The following KLHL14 variants were observed in gnomAD, a reference collection of about 807,000 sequenced individuals.
KLHL14 encodes kelch like family member 14, also known as kelch-like protein 14.
In KLHL14, 22 loss-of-function variants were observed where a neutral mutation model predicts 64.3. The ratio of observed to expected loss-of-function variants is 0.34; its 90% CI spans 0.24 to 0.49. The LOEUF (loss-of-function observed/expected upper bound fraction) is 0.49. Ranked by LOEUF, KLHL14 falls within the 20% of genes least tolerant of loss-of-function variation. The pLI, the probability that KLHL14 is intolerant of heterozygous loss-of-function variation, is 0.99. For missense variants in KLHL14, 661 were observed against 789.0 expected (o/e 0.84, Z 1.94); for synonymous variants, 322 against 333.4 (o/e 0.97, Z 0.37).
chr18:32,752,895 GC>G (rs905444338), intron 2 of KLHL14, among the ~76,000 whole-genome samples: 1 of 146,624 alleles, frequency 6.8e-6, no homozygotes, highest in African/African-American at 2.5e-5. Flanking sequence ...ACTTTTATAA[GC>G]TATCAGAACT....
chr18:32,684,145 T>G (rs1046357758), intron 5 of KLHL14, among the ~76,000 whole-genome samples: 8 of 152,196 alleles, frequency 5.3e-5, no homozygotes, highest in Admixed American at 4.6e-4. Context: ...TGTTCCAAGT[T>G]TTTAATTTTT....
chr18:32,719,370 G>A (rs1289606211), intron 3 of KLHL14, among the ~76,000 whole-genome samples: 2 of 152,230 alleles, frequency 1.3e-5, no homozygotes, highest in Non-Finnish European at 2.9e-5. Context: ...TGAACTTGAA[G>A]TATACTGTGT....
Position 32,741,970 on chromosome 18 carries a change from G to T in KLHL14, c.1027C>A (p.Gln343Lys). 1 of 1,612,532 alleles carries T rather than the reference G, an allele frequency of 6.2e-7. No individual in the cohort carries two copies. The highest frequency in any genetic ancestry group is 8.5e-7 in the Non-Finnish European group (1 of 1,179,678). The change falls in exon 3 of 9, where the codon CAG (glutamine) becomes AAG (lysine). Residue 343 changes from glutamine to lysine, a missense_variant. Coordinates refer to ENST00000359358, the MANE Select transcript of KLHL14 (RefSeq NM_020805.3). ...GPDRLPSNLV[Q>K]YYDDEKKTWK... is the part of the protein sequence containing the mutation. ...GTCTTCTTTTCATCGTCGTAATACTGAACCAAATTGCTGGGGAGCCGGTCC... is the reference window on the plus strand; with the variant it reads ...GTCTTCTTTTCATCGTCGTAATACTTAACCAAATTGCTGGGGAGCCGGTCC...
intron 2 of KLHL14, among the ~76,000 whole-genome samples, chr18:32,764,515 TGCCTA>T (rs10577009): frequency 0.68 from 103,572 of 151,500 alleles, 37,405 homozygotes; most frequent in Non-Finnish European, 0.81. Flanking sequence ...ATATCCCAAG[TGCCTA>T]GCCTAGTACA....
At chr18:32,761,260 T>C (rs1423597377) in intron 2 of KLHL14, among the ~76,000 whole-genome samples, 1 of 152,196 alleles carries the variant, frequency 6.6e-6, no homozygotes, top group African/African-American at 2.4e-5. Context: ...TTACTTCTTT[T>C]TTCAGTTCAA....
rs1050232034 is a variant in KLHL14, at chr18:32,680,710, A to G, written c.1239-111T>C. 4.6e-5 allele frequency: 48 copies of G among 1,051,068 alleles called. 1 individual carries two copies. In the Middle Eastern group the frequency reaches 2.7e-3, roughly 60 times the overall value. 65.1% of individuals were successfully genotyped at this position (1,051,068 alleles called of 1,614,324 possible). ...CAGGGAAAGGGGTGCATTCTGCTTCAGAAAGGGTTGCAAATCTTTAAAAAT... is the reference window on the plus strand; with the variant it reads ...CAGGGAAAGGGGTGCATTCTGCTTCGGAAAGGGTTGCAAATCTTTAAAAAT... On this transcript the variant is annotated intron_variant, in intron 5 of 8. Transcript: ENST00000359358. This position sits in a 1 kb window ranked among gnomAD's most constrained non-coding sequence, Gnocchi z 4.8.
Position 32,734,124 on chromosome 18 carries a change from T to C in KLHL14, c.1069+7804A>G. ...GCAGAAGAATACACTGAATATTTGATGTCTAGTAGTATAATTATGATAGTC... is the reference window on the plus strand; with the variant it reads ...GCAGAAGAATACACTGAATATTTGACGTCTAGTAGTATAATTATGATAGTC... On this transcript the variant is annotated intron_variant, in intron 3 of 8. Transcript: ENST00000359358. 5.7e-6 allele frequency: 4 copies of C among 702,498 alleles called. No homozygotes were observed. The South Asian group carries it at 5.9e-5, about 10-fold the overall frequency. The allele number at this position is 702,498 out of a possible 1,614,324, so 43.5% of individuals were successfully genotyped here. A position where few individuals can be genotyped will look rare whatever the true frequency, so the allele number is the denominator to read the frequency against.
chr18:32,695,183 T>C (rs2049930723), intron 4 of KLHL14, among the ~76,000 whole-genome samples: 1 of 152,166 alleles, frequency 6.6e-6, no homozygotes, highest in Non-Finnish European at 1.5e-5. Flanking sequence ...GTGCTCATGC[T>C]TGTGGCATTC....
At chr18:32,735,874 G>T (rs1032737643) in intron 3 of KLHL14, among the ~76,000 whole-genome samples, 1 of 152,120 alleles carries the variant, frequency 6.6e-6, no homozygotes, top group African/African-American at 2.4e-5. Flanking sequence ...TTAAATGAAT[G>T]AAATGAGTGT....
chr18:32,723,689 A>G (rs1047783389), intron 3 of KLHL14, among the ~76,000 whole-genome samples: 2 of 152,196 alleles, frequency 1.3e-5, no homozygotes, highest in African/African-American at 4.8e-5. Flanking sequence ...ACCAAGGTCA[A>G]GGATGTGTCC....
chr18:32,724,220 A>G (rs575294213), intron 3 of KLHL14, among the ~76,000 whole-genome samples: 1 of 152,268 alleles, frequency 6.6e-6, no homozygotes, highest in African/African-American at 2.4e-5. Flanking sequence ...AACCGTTCTG[A>G]TCTTAAGTTT....
intron 7 of KLHL14, among the ~76,000 whole-genome samples, chr18:32,679,672 A>G (rs915395532): frequency 2.1e-4 from 32 of 152,186 alleles, no homozygotes; most frequent in African/African-American, 7.5e-4. Flanking sequence ...TTTGATAATC[A>G]TAAGTGGCTT....
chr18:32,742,105 G>A, intron 2 of KLHL14, 56 bp from the exon 3 acceptor site: 1 of 1,549,422 alleles, frequency 6.5e-7, no homozygotes, highest in African/African-American at 1.4e-5. Context: ...AGTCTTTTTA[G>A]TGGCAACGAA....
intron 2 of KLHL14, chr18:32,744,477 CAAA>C (rs3042636): frequency 0.3 from 40,413 of 135,062 alleles, 5,770 homozygotes; most frequent in Non-Finnish European, 0.32. Context: ...AACTCCATGT[CAAA>C]AAAAAAAAAA....
In KLHL14 at chr18:32,769,722, G is replaced by A. The variant is rs746792576; in HGVS notation, c.870C>T (p.Cys290=). ...TCATGGCGTCCAGCAGCAGCTTCTG[G>A]CAGACCGGGTCGGTTCGCATGAAAT... ...SVDFMRTDPV[C]QKLLLDAMNY... The change falls in exon 2 of 9, where the codon TGC becomes TGT. Residue 290 remains cysteine (C), a synonymous_variant. Transcript: ENST00000359358. 1.3e-6 allele frequency: 2 copies of A among 1,587,638 alleles called. No individual in the cohort carries two copies. Among genetic ancestry groups the A allele is most frequent in the Non-Finnish European group, 1.7e-6 (2 of 1,164,758 alleles).
chr18:32,769,573 G>GGCCCCGGC, intron 2 of KLHL14, 72 bp downstream of exon 2: 1 of 356,304 alleles, frequency 2.8e-6, no homozygotes, highest in Non-Finnish European at 4.4e-6. Context: ...CCTCCTCCCT[G>GGCCCCGGC]CCCCCTCCCC....
intron 2 of KLHL14, among the ~76,000 whole-genome samples, chr18:32,748,211 T>C (rs1213511443): frequency 6.6e-6 from 1 of 152,114 alleles, no homozygotes; most frequent in African/African-American, 2.4e-5. Context: ...ACTCTTATTT[T>C]TATTTATTTT....
chr18:32,763,982 A>G (rs2050327603), intron 2 of KLHL14, among the ~76,000 whole-genome samples: 1 of 152,120 alleles, frequency 6.6e-6, no homozygotes, highest in African/African-American at 2.4e-5. Flanking sequence ...CAGGATCTAT[A>G]CTCAATCCAG....
intron 2 of KLHL14, among the ~76,000 whole-genome samples, chr18:32,757,424 T>G (rs114773163): frequency 3.9e-4 from 60 of 152,340 alleles, no homozygotes; most frequent in African/African-American, 1.4e-3. Context: ...CCATTGAATC[T>G]CAGCCATGAC....
Sources: allele counts gnomAD v4.1 joint callset (sites outside exome capture counted in the v4.1 genomes callset), GRCh38; gene constraint gnomAD v4.1.1; non-coding constraint Gnocchi (gnomAD v3.1); transcripts MANE v1.5; gene names NCBI Gene and HGNC (gene_info 2026-07-23, HGNC 2026-07-21).